LHCGR: variants seen among roughly 807,000 people sequenced by gnomAD.
LHCGR encodes the protein lutropin-choriogonadotropic hormone receptor.
Under a neutral mutation model 60.7 loss-of-function variants are expected in LHCGR, and 55 were observed. The ratio of observed to expected loss-of-function variants is 0.91; its 90% CI spans 0.73 to 1.13. LHCGR has a LOEUF of 1.13. Among genes scored for constraint, LHCGR ranks in the 50% most tolerant of loss-of-function variants. The pLI is 0.00. For missense variants in LHCGR, 862 were observed against 836.0 expected (o/e 1.03, Z -0.38); for synonymous variants, 337 against 316.5 (o/e 1.06, Z -0.69).
At chr2:48,696,941 C>T (rs1667144508) in intron 9 of LHCGR, among the ~76,000 whole-genome samples, 1 of 152,178 alleles carries the variant, frequency 6.6e-6, no homozygotes, top group Non-Finnish European at 1.5e-5. Context: ...CTCTCACCAG[C>T]TTTGCTCACC....
chr2:48,705,185 T>C (rs867964964), intron 8 of LHCGR, among the ~76,000 whole-genome samples: 13 of 152,218 alleles, frequency 8.5e-5, no homozygotes, highest in African/African-American at 3.1e-4. Context: ...TCAGTTTCTA[T>C]GTAGTTGTGC....
intron 8 of LHCGR, among the ~76,000 whole-genome samples, chr2:48,707,653 TC>T (rs1667757764): frequency 6.6e-6 from 1 of 152,246 alleles, no homozygotes; most frequent in Admixed American, 6.5e-5. Context: ...TCCGCCCAGT[TC>T]GAACTTCCTG....
At chr2:48,703,733 A>G (rs929067631) in intron 8 of LHCGR, among the ~76,000 whole-genome samples, 2 of 152,190 alleles carry the variant, frequency 1.3e-5, no homozygotes, top group African/African-American at 4.8e-5. Flanking sequence ...TTGCACATTG[A>G]TCTTGTATCC....
In LHCGR at chr2:48,754,835, C is replaced by T. The variant is rs191352478; in HGVS notation, c.161+676G>A. ...CTTTACCCCATTACTCCAGAAACAA[C>T]GCCCTCCCCCAGGTTGCTGATGTAT... On this transcript the variant is annotated intron_variant, in intron 1 of 10. Coordinates refer to ENST00000294954, the MANE Select transcript of LHCGR (RefSeq NM_000233.4). 2.4e-3 allele frequency among the ~76,000 whole-genome samples: 369 copies of T among 152,264 alleles called. 1 individual carries two copies. The highest frequency in any genetic ancestry group is 8.4e-3 in the African/African-American group (351 of 41,552).
intron 8 of LHCGR, 86 bp downstream of exon 8, chr2:48,708,862 A>C: frequency 9.9e-7 from 1 of 1,006,678 alleles, no homozygotes; most frequent in Non-Finnish European, 1.6e-6. Flanking sequence ...CTCACATATC[A>C]GCTTGGGGAT....
intron 6 of LHCGR, among the ~76,000 whole-genome samples, chr2:48,715,231 G>A (rs888251180): frequency 6.6e-6 from 1 of 151,972 alleles, no homozygotes; most frequent in Non-Finnish European, 1.5e-5. Context: ...TACCTCCTCC[G>A]TGAGAACATA....
rs1236905556 is a variant in LHCGR, at chr2:48,755,524, CGGCCGTG to C, written c.141_147del (p.Thr48ValfsTer14). 1 of 1,541,250 alleles carries C rather than the reference CGGCCGTG, an allele frequency of 6.5e-7. No homozygotes were observed. The highest frequency in any genetic ancestry group is 8.7e-7 in the Non-Finnish European group (1 of 1,143,564). ...CTGTGTACTCACAGTCGAGTGAGACCGGCCGTGGGGCCGGGGCAGCGCAGGGCGCCGT... is the reference window on the plus strand; with the variant it reads ...CTGTGTACTCACAGTCGAGTGAGACCGGGCCGGGGCAGCGCAGGGCGCCGT... On this transcript the variant is annotated frameshift_variant, in exon 1 of 11. Transcript: ENST00000294954. LOFTEE classifies it high-confidence loss of function.
At chr2:48,722,762 AT>A (rs1276879281) in intron 6 of LHCGR, among the ~76,000 whole-genome samples, 2 of 152,138 alleles carry the variant, frequency 1.3e-5, no homozygotes, top group Admixed American at 6.5e-5. Context: ...TTCTTTATAA[AT>A]TACCCAGTCT....
chr2:48,747,638 A>T (rs1443455627), intron 1 of LHCGR, among the ~76,000 whole-genome samples: 1 of 152,182 alleles, frequency 6.6e-6, no homozygotes, highest in East Asian at 1.9e-4. Context: ...AGGGACAGAG[A>T]GGAGTCGTTT....
Position 48,688,484 on chromosome 2 carries a change from C to G in LHCGR, c.1313G>C (p.Gly438Ala). The G allele has an allele frequency of 6.2e-7, 1 of 1,614,126 alleles. No individual in the cohort carries two copies. Among genetic ancestry groups the G allele is most frequent in the Non-Finnish European group, 8.5e-7 (1 of 1,180,024 alleles). Residue 438 changes from glycine (G) to alanine (A), a missense_variant, in exon 11 of 11, where the codon GGG becomes GCG. Physicochemically the swap from Gly to Ala is moderately conservative, Grantham distance 60 (BLOSUM62 0). Coordinates refer to ENST00000294954, the MANE Select transcript of LHCGR (RefSeq NM_000233.4). This position sits in a 1 kb window ranked among gnomAD's most constrained non-coding sequence, Gnocchi z 5.2. Reference sequence around the variant, plus strand: ...AGTGAAAAAGCCAGCAGTGCTGCACCCACTCCCTGTCTGCCAGTCTATGGC... The same window carrying G: ...AGTGAAAAAGCCAGCAGTGCTGCACGCACTCCCTGTCTGCCAGTCTATGGC... The part of the protein sequence containing the change: ...NHAIDWQTGS[G>A]CSTAGFFTVF...
intron 2 of LHCGR, among the ~76,000 whole-genome samples, chr2:48,730,319 T>A (rs1461591138): frequency 6.6e-6 from 1 of 152,144 alleles, no homozygotes; most frequent in East Asian, 1.9e-4. Flanking sequence ...AACTCAACAT[T>A]CCAACTTGAG....
At chr2:48,739,434 T>A (rs1487238962) in intron 1 of LHCGR, among the ~76,000 whole-genome samples, 2 of 152,076 alleles carry the variant, frequency 1.3e-5, no homozygotes, top group African/African-American at 2.4e-5. Context: ...AATGATAGAC[T>A]GGATTAAGAA....
intron 1 of LHCGR, among the ~76,000 whole-genome samples, chr2:48,739,588 C>G (rs1009127025): frequency 6.6e-6 from 1 of 151,390 alleles, no homozygotes. Flanking sequence ...TGCATGTTCT[C>G]GCTCATAGGT....
At chr2:48,717,704 C>G (rs954395387) in intron 6 of LHCGR, among the ~76,000 whole-genome samples, 5 of 151,978 alleles carry the variant, frequency 3.3e-5, no homozygotes, top group African/African-American at 1.2e-4. Context: ...GGGTCTTTCT[C>G]TTCCTGGGCA....
intron 10 of LHCGR, among the ~76,000 whole-genome samples, chr2:48,690,664 C>T (rs1293794629): frequency 1.3e-5 from 2 of 152,212 alleles, no homozygotes; most frequent in Non-Finnish European, 2.9e-5. Context: ...CCTCATCTCT[C>T]TGGTGAATTC....
At chr2:48,696,666 G>A (rs1253401058) in intron 9 of LHCGR, among the ~76,000 whole-genome samples, 1 of 152,214 alleles carries the variant, frequency 6.6e-6, no homozygotes, top group African/African-American at 2.4e-5. Context: ...AGAGCAGGCT[G>A]TGAGGGCCTC....
intron 6 of LHCGR, among the ~76,000 whole-genome samples, chr2:48,722,678 C>T (rs1357393313): frequency 6.6e-6 from 1 of 152,168 alleles, no homozygotes; most frequent in Admixed American, 6.5e-5. Context: ...CTGAGACCTC[C>T]CCAGAAGCTG....
chr2:48,717,415 G>A (rs1366625114), intron 6 of LHCGR, among the ~76,000 whole-genome samples: 1 of 152,132 alleles, frequency 6.6e-6, no homozygotes, highest in African/African-American at 2.4e-5. Flanking sequence ...CTCTACATTA[G>A]TTTCCTAATC....
chr2:48,731,151 T>C (rs1668966885), intron 2 of LHCGR, 76 bp downstream of exon 2: 8 of 1,005,066 alleles, frequency 8.0e-6, no homozygotes, highest in Admixed American at 3.5e-5. Flanking sequence ...ATTATCCCCT[T>C]TCAAATGTGT....
Sources: allele counts gnomAD v4.1 joint callset (sites outside exome capture counted in the v4.1 genomes callset), GRCh38; gene constraint gnomAD v4.1.1; non-coding constraint Gnocchi (gnomAD v3.1); transcripts MANE v1.5; gene names NCBI Gene and HGNC (gene_info 2026-07-23, HGNC 2026-07-21).